FAM135B: variants seen among roughly 807,000 people sequenced by gnomAD.
The protein encoded by FAM135B is protein FAM135B.
Under a neutral mutation model 127.7 loss-of-function variants are expected in FAM135B, and 43 were observed. That is an observed-to-expected ratio of 0.34 (90% CI 0.26 to 0.43). The LOEUF is 0.43. Ranked by LOEUF, FAM135B falls within the 20% of genes least tolerant of loss-of-function variation. The probability of loss-of-function intolerance (pLI) is 1.00; values close to 1 mark genes in which losing one functional copy is unlikely to be tolerated. For missense variants in FAM135B, 1,558 were observed against 1,725.6 expected, an observed-to-expected ratio of 0.90 and a Z score of 1.72; for synonymous variants, 670 against 665.1, an observed-to-expected ratio of 1.01 and a Z score of -0.11.
At chr8:138,367,488 A>T in intron 2 of FAM135B, 1 of 458,748 alleles carries the variant, frequency 2.2e-6, no homozygotes, top group Non-Finnish European at 4.4e-6. Context: ...TTTTTGAAAG[A>T]TCTAGGCACA....
chr8:138,413,956 C>G (rs942449015), intron 1 of FAM135B, among the ~76,000 whole-genome samples: 1 of 149,740 alleles, frequency 6.7e-6, no homozygotes, highest in East Asian at 2.1e-4. Flanking sequence ...TTCCCAATAT[C>G]CCACCTCTAA....
chr8:138,167,322 A>T (rs902496486), intron 12 of FAM135B, among the ~76,000 whole-genome samples: 1 of 152,082 alleles, frequency 6.6e-6, no homozygotes, highest in Non-Finnish European at 1.5e-5. Flanking sequence ...CAGCCTCCCA[A>T]GTAGCTGGGA....
chr8:138,248,538 G>A (rs1253792968), intron 6 of FAM135B, among the ~76,000 whole-genome samples: 9 of 151,988 alleles, frequency 5.9e-5, no homozygotes, highest in South Asian at 2.1e-4. Flanking sequence ...AAAAAATTTC[G>A]GCTGGGTGCA....
chr8:138,214,492 A>G (rs1179375537), intron 7 of FAM135B, among the ~76,000 whole-genome samples: 1 of 152,228 alleles, frequency 6.6e-6, no homozygotes, highest in African/African-American at 2.4e-5. Flanking sequence ...GTGAGGGAGC[A>G]CACAGACTAA....
At chr8:138,326,619 A>G (rs1170403074) in intron 2 of FAM135B, among the ~76,000 whole-genome samples, 1 of 152,154 alleles carries the variant, frequency 6.6e-6, no homozygotes, top group African/African-American at 2.4e-5. Flanking sequence ...GTGGGAGAAG[A>G]GTTGAAAAGC....
intron 6 of FAM135B, among the ~76,000 whole-genome samples, chr8:138,246,458 C>T (rs1821293668): frequency 6.6e-6 from 1 of 152,142 alleles, no homozygotes; most frequent in Non-Finnish European, 1.5e-5. Context: ...ATAGCTCAGC[C>T]CACGGCTTCA....
chr8:138,283,143 C>T (rs1260790974), intron 3 of FAM135B, among the ~76,000 whole-genome samples: 2 of 152,048 alleles, frequency 1.3e-5, no homozygotes, highest in Non-Finnish European at 2.9e-5. Flanking sequence ...TCGTGACCCG[C>T]CCACCTCAGC....
At chr8:138,229,356 A>G (rs1030056580) in intron 7 of FAM135B, among the ~76,000 whole-genome samples, 1 of 152,182 alleles carries the variant, frequency 6.6e-6, no homozygotes, top group African/African-American at 2.4e-5. Context: ...AAGCATACAC[A>G]GTCTCAAGAC....
chr8:138,212,976 G>A (rs189402237), intron 7 of FAM135B, among the ~76,000 whole-genome samples: 14 of 152,180 alleles, frequency 9.2e-5, no homozygotes, highest in East Asian at 1.9e-4. Context: ...ATGTGTACAC[G>A]TTTCTTAAAA....
At chr8:138,198,855 C>T (rs1406378627) in intron 7 of FAM135B, among the ~76,000 whole-genome samples, 1 of 152,066 alleles carries the variant, frequency 6.6e-6, no homozygotes, top group Admixed American at 6.6e-5. Flanking sequence ...AGAAAGGAAT[C>T]GTGTGGGAAA....
At chr8:138,488,431 A>G (rs992386377) in intron 1 of FAM135B, among the ~76,000 whole-genome samples, 1 of 151,982 alleles carries the variant, frequency 6.6e-6, no homozygotes, top group South Asian at 2.1e-4. Flanking sequence ...TTTTGAGGAA[A>G]AAAAAAAAAG....
At chr8:138,475,562 A>G (rs887993982) in intron 1 of FAM135B, among the ~76,000 whole-genome samples, 2 of 152,128 alleles carry the variant, frequency 1.3e-5, no homozygotes, top group African/African-American at 4.8e-5. Flanking sequence ...AAGATTCAAC[A>G]CCCAAGGTCA....
chr8:138,287,773 A>G (rs1824809965), intron 3 of FAM135B, among the ~76,000 whole-genome samples: 1 of 152,222 alleles, frequency 6.6e-6, no homozygotes, highest in East Asian at 1.9e-4. Flanking sequence ...GAGTAACACA[A>G]GCTGGCTGCA....
intron 3 of FAM135B, among the ~76,000 whole-genome samples, chr8:138,275,325 T>G (rs955808309): frequency 6.6e-6 from 1 of 152,196 alleles, no homozygotes; most frequent in Non-Finnish European, 1.5e-5. Flanking sequence ...CTCTCAATAT[T>G]GCATACTGAA....
At chr8:138,319,111 T>G (rs1587075840) in intron 2 of FAM135B, among the ~76,000 whole-genome samples, 1 of 152,020 alleles carries the variant, frequency 6.6e-6, no homozygotes, top group East Asian at 1.9e-4. Context: ...TGTTGTTGTT[T>G]GTTTGTTTGT....
intron 2 of FAM135B, among the ~76,000 whole-genome samples, chr8:138,362,966 C>A (rs1830525408): frequency 6.6e-6 from 1 of 152,220 alleles, no homozygotes; most frequent in Middle Eastern, 3.4e-3. Context: ...TATGGAAAAG[C>A]TACGGATTCC....
At chr8:138,166,409 T>A (rs768240151) in intron 12 of FAM135B, among the ~76,000 whole-genome samples, 1 of 152,260 alleles carries the variant, frequency 6.6e-6, no homozygotes, top group Non-Finnish European at 1.5e-5. Flanking sequence ...CAGGTTGCAC[T>A]CTGGATACAT....
intron 1 of FAM135B, among the ~76,000 whole-genome samples, chr8:138,473,764 T>C (rs1043216619): frequency 6.6e-6 from 1 of 152,016 alleles, no homozygotes; most frequent in East Asian, 1.9e-4. Context: ...TGAAAACAAA[T>C]AAGAACAGAA....
intron 3 of FAM135B, among the ~76,000 whole-genome samples, chr8:138,306,086 T>G (rs149986164): frequency 3.2e-4 from 48 of 152,272 alleles, no homozygotes; most frequent in Non-Finnish European, 5.6e-4. Context: ...TTCTGTTCTA[T>G]CTGCATAACT....
Sources: allele counts gnomAD v4.1 joint callset (sites outside exome capture counted in the v4.1 genomes callset), GRCh38; gene constraint gnomAD v4.1.1; transcripts MANE v1.5; gene names NCBI Gene and HGNC (gene_info 2026-07-23, HGNC 2026-07-21).